Variants in HDAC9 observed in about 807,000 individuals in gnomAD.
HDAC9 encodes the protein MEF-2 interacting transcription repressor (MITR) protein.
Under a neutral mutation model 139.4 loss-of-function variants are expected in HDAC9, and 41 were observed. The ratio of observed to expected loss-of-function variants is 0.29; its 90% CI spans 0.23 to 0.38. The LOEUF (loss-of-function observed/expected upper bound fraction) is 0.38. HDAC9 is among the 10% of genes least tolerant of loss of function. The pLI, the probability that HDAC9 is intolerant of heterozygous loss-of-function variation, is 1.00. For missense variants in HDAC9, 1,147 were observed against 1,297.0 expected, an observed-to-expected ratio of 0.88 and a Z score of 1.78; for synonymous variants, 517 against 476.2, an observed-to-expected ratio of 1.09 and a Z score of -1.12.
intron 2 of HDAC9, among the ~76,000 whole-genome samples, chr7:18,282,152 C>G (rs531706654): frequency 2.0e-4 from 30 of 152,288 alleles, no homozygotes; most frequent in African/African-American, 7.0e-4. Flanking sequence ...GAGGAAAAAA[C>G]TAAATACTGT....
At chr7:18,789,190 T>C (rs1416227871) in intron 16 of HDAC9, among the ~76,000 whole-genome samples, 1 of 152,088 alleles carries the variant, frequency 6.6e-6, no homozygotes, top group Non-Finnish European at 1.5e-5. Context: ...AATCCTGTTT[T>C]GGTCATCATT....
intron 14 of HDAC9, among the ~76,000 whole-genome samples, chr7:18,758,888 A>C (rs1789120669): frequency 6.6e-6 from 1 of 152,082 alleles, no homozygotes; most frequent in Non-Finnish European, 1.5e-5. Context: ...CCAAAGAAGC[A>C]GAAGGTGATT....
At chr7:18,672,904 G>A (rs1401296974) in intron 12 of HDAC9, among the ~76,000 whole-genome samples, 1 of 151,780 alleles carries the variant, frequency 6.6e-6, no homozygotes, top group Non-Finnish European at 1.5e-5. Flanking sequence ...GTTGATTTTG[G>A]TCTTGCTTTT....
chr7:18,774,117 T>A (rs1790555820), intron 16 of HDAC9, among the ~76,000 whole-genome samples: 1 of 152,054 alleles, frequency 6.6e-6, no homozygotes, highest in Non-Finnish European at 1.5e-5. Flanking sequence ...CCATAGCTTC[T>A]GAGTTTTAGA....
Position 18,130,041 on chromosome 7 carries a change from G to C in HDAC9, c.-96-32188G>C, listed in dbSNP as rs557415241. 2.0e-5 allele frequency among the ~76,000 whole-genome samples: 3 copies of C among 152,274 alleles called. No homozygotes were observed. In the East Asian group the frequency reaches 5.8e-4, roughly 29 times the overall value. ...ACCAAAACAACACAACGGATGAAGAGTGGATCAGACATGTTACATGGTACA... is the reference window on the plus strand; with the variant it reads ...ACCAAAACAACACAACGGATGAAGACTGGATCAGACATGTTACATGGTACA... On this transcript the variant is annotated intron_variant, in intron 1 of 12. Transcript: ENST00000417496.
chr7:18,667,652 CT>C, intron 12 of HDAC9: 1 of 985,148 alleles, frequency 1.0e-6, no homozygotes, highest in Non-Finnish European at 1.2e-6. Context: ...CAGGAAATGC[CT>C]TGTGGAAACA....
intron 14 of HDAC9, among the ~76,000 whole-genome samples, chr7:18,755,535 C>G (rs937889475): frequency 6.6e-6 from 1 of 152,014 alleles, no homozygotes; most frequent in Non-Finnish European, 1.5e-5. Flanking sequence ...AAAAGCAAAG[C>G]TTTAAATTCA....
intron 2 of HDAC9, among the ~76,000 whole-genome samples, chr7:18,257,578 A>C (rs928241538): frequency 4.6e-5 from 7 of 152,162 alleles, no homozygotes; most frequent in African/African-American, 1.4e-4. Flanking sequence ...CAAAAGAGTG[A>C]ACGGTAGGAG....
chr7:18,297,659 C>T (rs1161436213), intron 1 of HDAC9, among the ~76,000 whole-genome samples: 2 of 152,122 alleles, frequency 1.3e-5, no homozygotes, highest in African/African-American at 4.8e-5. Context: ...GCTTGGAATT[C>T]TTGTAAGACT....
At chr7:18,433,859 A>G (rs548308983) in intron 1 of HDAC9, among the ~76,000 whole-genome samples, 1 of 152,364 alleles carries the variant, frequency 6.6e-6, no homozygotes, top group African/African-American at 2.4e-5. Flanking sequence ...AGCAATTTAC[A>G]GATTTAATGC....
At chr7:18,764,077 A>G (rs1789619893) in intron 15 of HDAC9, among the ~76,000 whole-genome samples, 1 of 152,074 alleles carries the variant, frequency 6.6e-6, no homozygotes, top group Non-Finnish European at 1.5e-5. Context: ...GAACAAACCT[A>G]TTTTTTGTAA....
At chr7:18,794,028 A>G (rs1472005625) in intron 17 of HDAC9, among the ~76,000 whole-genome samples, 2 of 152,196 alleles carry the variant, frequency 1.3e-5, no homozygotes, top group Non-Finnish European at 2.9e-5. Context: ...GAAAAGAACA[A>G]TGTCCAAACC....
chr7:18,358,141 A>T (rs1783474877), intron 1 of HDAC9, among the ~76,000 whole-genome samples: 1 of 152,140 alleles, frequency 6.6e-6, no homozygotes, highest in Non-Finnish European at 1.5e-5. Context: ...GTGAGCTGAG[A>T]TGGTGCCATG....
At chr7:18,440,553 G>A (rs942081708) in intron 1 of HDAC9, among the ~76,000 whole-genome samples, 4 of 151,942 alleles carry the variant, frequency 2.6e-5, no homozygotes, top group Non-Finnish European at 4.4e-5. Flanking sequence ...AAGTGAATAA[G>A]GGTTTTTGTA....
intron 1 of HDAC9, among the ~76,000 whole-genome samples, chr7:18,126,420 A>T (rs1452557248): frequency 6.6e-6 from 1 of 152,148 alleles, no homozygotes; most frequent in Non-Finnish European, 1.5e-5. Context: ...ATTACTGTTT[A>T]TGAGCCTTAT....
chr7:18,583,816 A>G (rs1013775596), intron 2 of HDAC9, among the ~76,000 whole-genome samples: 5 of 151,946 alleles, frequency 3.3e-5, no homozygotes, highest in African/African-American at 9.7e-5. Flanking sequence ...CTGGATCTGT[A>G]TTTTCTTTTT....
At chr7:18,671,552 T>G (rs1393346050) in intron 12 of HDAC9, among the ~76,000 whole-genome samples, 1 of 152,062 alleles carries the variant, frequency 6.6e-6, no homozygotes, top group East Asian at 1.9e-4. Flanking sequence ...GTTCTCGGCT[T>G]CTTCTGCATT....
chr7:18,302,985 T>C (rs1798642226), intron 1 of HDAC9, among the ~76,000 whole-genome samples: 1 of 152,142 alleles, frequency 6.6e-6, no homozygotes, highest in Non-Finnish European at 1.5e-5. Flanking sequence ...ATATATAATA[T>C]AAAGTGTTGT....
intron 1 of HDAC9, among the ~76,000 whole-genome samples, chr7:18,342,069 C>A (rs771637462): frequency 2.6e-5 from 4 of 151,766 alleles, no homozygotes; most frequent in Non-Finnish European, 5.9e-5. Context: ...ACCTTTAATT[C>A]TTTAGGCTTA....
Sources: allele counts gnomAD v4.1 joint callset (sites outside exome capture counted in the v4.1 genomes callset), GRCh38; gene constraint gnomAD v4.1.1; transcripts MANE v1.5; gene names NCBI Gene and HGNC (gene_info 2026-07-23, HGNC 2026-07-21).